Variants in KLHL26 observed in about 807,000 individuals in gnomAD.
KLHL26 encodes the protein kelch-like protein 26.
KLHL26 carries 4 observed loss-of-function variants against 7.1 expected under a neutral mutation model. That is an observed-to-expected ratio of 0.56 (90% CI 0.28 to 1.28). The LOEUF is 1.28. Ranked by LOEUF, KLHL26 falls within the 50% of genes most tolerant of loss-of-function variation. KLHL26 has a pLI of 0.11. For missense variants in KLHL26, 896 were observed against 924.6 expected, an observed-to-expected ratio of 0.97 and a Z score of 0.40; for synonymous variants, 465 against 414.1, an observed-to-expected ratio of 1.12 and a Z score of -1.49.
chr19:18,656,181 G>A lies in KLHL26; in HGVS notation c.84-8080G>A. On this transcript the variant is annotated intron_variant, in intron 1 of 2. Coordinates refer to ENST00000300976, the MANE Select transcript of KLHL26 (RefSeq NM_018316.3). The surrounding 1 kb of genome is among the most constrained non-coding windows in gnomAD (Gnocchi z 4.4). Reference sequence around the variant, plus strand: ...CCTGGCTTCATGGTGGGGTTGGTGGGGGACCTGCAGGATGGGGGTGGACGG... The same window carrying A: ...CCTGGCTTCATGGTGGGGTTGGTGGAGGACCTGCAGGATGGGGGTGGACGG... 6.6e-6 allele frequency among the ~76,000 whole-genome samples: 1 copy of A among 152,152 alleles called. No individual in the cohort carries two copies. The highest frequency in any genetic ancestry group is 6.5e-5 in the Admixed American group (1 of 15,274).
At chr19:18,662,603 C>G (rs2052402527) in intron 1 of KLHL26, among the ~76,000 whole-genome samples, 1 of 152,214 alleles carries the variant, frequency 6.6e-6, no homozygotes, top group Non-Finnish European at 1.5e-5. Context: ...CCCAGGCAGC[C>G]TGGACACCCG....
chr19:18,665,886 C>T (rs1044835604), intron 2 of KLHL26, among the ~76,000 whole-genome samples: 3 of 152,168 alleles, frequency 2.0e-5, no homozygotes, highest in Non-Finnish European at 4.4e-5. Context: ...ACACATTCCC[C>T]GAGGCCCGGG....
Position 18,668,559 on chromosome 19 carries a change from C to A in KLHL26, c.1162C>A (p.Pro388Thr), listed in dbSNP as rs746808495. 6.3e-7 allele frequency: 1 copy of A among 1,594,344 alleles called. No homozygotes were observed. The highest frequency in any genetic ancestry group is 8.5e-7 in the Non-Finnish European group (1 of 1,174,786). ...GAVDACYRYD[P>T]HLNRWLRLQA... ...AGTGGACGCCTGCTACCGCTACGACCCCCACCTGAATCGCTGGCTGCGCCT... is the reference window on the plus strand; with the variant it reads ...AGTGGACGCCTGCTACCGCTACGACACCCACCTGAATCGCTGGCTGCGCCT... Residue 388 changes from proline (P) to threonine (T), a missense_variant, in exon 3 of 3, where the codon CCC (proline) becomes ACC (threonine). Pro to Thr is a conservative substitution (Grantham distance 38). Transcript: ENST00000300976.
At position 18,668,776 on chromosome 19, in the gene KLHL26, G is replaced by T; in HGVS notation, c.1379G>T (p.Gly460Val). The change falls in exon 3 of 3, where the codon GGC becomes GTC. Residue 460 changes from glycine to valine, a missense_variant. Physicochemically the swap from Gly to Val is moderately radical, Grantham distance 109. Coordinates refer to ENST00000300976, the MANE Select transcript of KLHL26 (RefSeq NM_018316.3). ...GGCCATGCTGGGGCCGCCTCAGGGG[G>T]CCGCCTCTACATCTCGGGTGGCTAC... Reference protein sequence around the residue: ...TWGHAGAASGGRLYISGGYGI... With the variant: ...TWGHAGAASGVRLYISGGYGI... 6.3e-7 allele frequency: 1 copy of T among 1,594,748 alleles called. No individual in the cohort carries two copies. Among genetic ancestry groups the T allele is most frequent in the Non-Finnish European group, 8.5e-7 (1 of 1,177,324 alleles).
chr19:18,646,417 C>T lies in KLHL26; in HGVS notation c.83+9280C>T, dbSNP rs1280461849. 1.3e-5 allele frequency among the ~76,000 whole-genome samples: 2 copies of T among 152,180 alleles called. No homozygotes were observed. Among genetic ancestry groups the T allele is most frequent in the East Asian group, 1.9e-4 (1 of 5,180 alleles). On this transcript the variant is annotated intron_variant, in intron 1 of 2. Coordinates refer to ENST00000300976, the MANE Select transcript of KLHL26 (RefSeq NM_018316.3). The surrounding 1 kb of genome is among the most constrained non-coding windows in gnomAD (Gnocchi z 5.0). Reference sequence around the variant, plus strand: ...GATTACAGGCATGAGCCAGTGCGCCCGGCCTCATGCCCCTTTCAGAAGGAG... The same window carrying T: ...GATTACAGGCATGAGCCAGTGCGCCTGGCCTCATGCCCCTTTCAGAAGGAG...
In KLHL26 at chr19:18,650,190, G is replaced by A. The variant is rs530299724; in HGVS notation, c.83+13053G>A. Among the ~76,000 whole-genome samples the A allele has an allele frequency of 2.0e-5, 3 of 152,054 alleles. No individual in the cohort carries two copies. The highest frequency in any genetic ancestry group is 6.5e-5 in the Admixed American group (1 of 15,284). ...ACAGGGGTCAAAGACGGACCCGGGCGGGAGCGGTCTGGGCTGGATATCCGG... is the reference window on the plus strand; with the variant it reads ...ACAGGGGTCAAAGACGGACCCGGGCAGGAGCGGTCTGGGCTGGATATCCGG... On this transcript the variant is annotated intron_variant, in intron 1 of 2. Transcript: ENST00000300976. This position sits in a 1 kb window ranked among gnomAD's most constrained non-coding sequence, Gnocchi z 4.2.
intron 1 of KLHL26, among the ~76,000 whole-genome samples, chr19:18,661,497 A>C (rs965700677): frequency 2.6e-5 from 4 of 152,072 alleles, no homozygotes; most frequent in Admixed American, 1.3e-4. Context: ...ATAGCATCCC[A>C]CTGTGTGCAC....
intron 1 of KLHL26, among the ~76,000 whole-genome samples, chr19:18,655,714 T>TATGGAGGCAGAGAGCTTGCCGCC (rs2052323564): frequency 6.6e-6 from 1 of 151,954 alleles, no homozygotes; most frequent in African/African-American, 2.4e-5. Context: ...AGCTTGCTGC[T>TATGGAGGCAGAGAGCTTGCCGCC]GGTCAGGGAG....
At chr19:18,641,651 T>G (rs4808842) in intron 1 of KLHL26, among the ~76,000 whole-genome samples, 48,768 of 138,758 alleles carry the variant, frequency 0.35, 8,497 homozygotes, top group East Asian at 0.53. Flanking sequence ...TTTTTTGAGA[T>G]GGAGGCTTGC....
intron 1 of KLHL26, among the ~76,000 whole-genome samples, chr19:18,641,753 C>T (rs774151044): frequency 1.1e-4 from 16 of 151,606 alleles, no homozygotes; most frequent in Non-Finnish European, 2.1e-4. Flanking sequence ...CCCAGCCTCC[C>T]GAGTAGCTGG....
chr19:18,647,362 G>A (rs113821069), intron 1 of KLHL26, among the ~76,000 whole-genome samples: 53 of 152,234 alleles, frequency 3.5e-4, no homozygotes, highest in Non-Finnish European at 4.9e-4. Flanking sequence ...CCTCCCCCAC[G>A]GCGATTACTT....
At chr19:18,653,881 C>T (rs529505689) in intron 1 of KLHL26, among the ~76,000 whole-genome samples, 3 of 71,134 alleles carry the variant, frequency 4.2e-5, no homozygotes, top group African/African-American at 1.3e-4. Context: ...CCCATCCACC[C>T]ACCCTTCCAT....
chr19:18,637,854 G>A (rs1383214702), intron 1 of KLHL26, among the ~76,000 whole-genome samples: 1 of 152,168 alleles, frequency 6.6e-6, no homozygotes, highest in Admixed American at 6.5e-5. Flanking sequence ...TTACAGAAAG[G>A]TCTTGCCCTC....
Position 18,670,647 on chromosome 19 carries a change from CA to C in KLHL26, c.*1403del, listed in dbSNP as rs1273141583. The C allele has an allele frequency of 2.6e-5, 4 of 152,276 alleles. 1 individual carries two copies. The South Asian group carries it at 6.2e-4, about 24-fold the overall frequency. 9.4% of individuals were successfully genotyped at this position (152,276 alleles called of 1,614,324 possible). A position where few individuals can be genotyped will look rare whatever the true frequency, so the allele number is the denominator to read the frequency against. On this transcript the variant is annotated 3_prime_UTR_variant, in exon 3 of 3. Transcript: ENST00000300976. ...GTCGGCAGTGGGCTGGGCTTTGGCTCAGGGGCGCAGAGGCAGCAGGAAGCGT... is the reference window on the plus strand; with the variant it reads ...GTCGGCAGTGGGCTGGGCTTTGGCTCGGGGCGCAGAGGCAGCAGGAAGCGT...
chr19:18,667,441 T>C lies in KLHL26; in HGVS notation c.267-223T>C, dbSNP rs1463256945. ...CAGTGGTCTCGATCTCCTGATCTCA[T>C]GATCCACCCGCCTGGGCTTCCCAAA... On this transcript the variant is annotated intron_variant, in intron 2 of 2. Coordinates refer to ENST00000300976, the MANE Select transcript of KLHL26 (RefSeq NM_018316.3). The C allele has an allele frequency of 7.6e-6, 5 of 656,078 alleles. No individual in the cohort carries two copies. The African/African-American group carries it at 9.1e-5, about 12-fold the overall frequency. The allele number at this position is 656,078 out of a possible 1,614,324, so 40.6% of individuals were successfully genotyped here. A position where few individuals can be genotyped will look rare whatever the true frequency, so the allele number is the denominator to read the frequency against.
rs1236713431 is a variant in KLHL26, at chr19:18,648,340, G to A, written c.83+11203G>A. 1.3e-5 allele frequency among the ~76,000 whole-genome samples: 2 copies of A among 152,140 alleles called. No homozygotes were observed. Among genetic ancestry groups the A allele is most frequent in the African/African-American group, 4.8e-5 (2 of 41,438 alleles). On this transcript the variant is annotated intron_variant, in intron 1 of 2. Transcript: ENST00000300976. This position sits in a 1 kb window ranked among gnomAD's most constrained non-coding sequence, Gnocchi z 4.9. The stretch of plus-strand genomic sequence containing the variant: ...TGCACTCCAGCCTGGGCGACAAAGT[G>A]AGACTCTGTCTCAAAAAAGAAAGGA...
rs1344597348 is a variant in KLHL26 at position 18,656,242 on chromosome 19, C to T, written c.84-8019C>T. ...TCTGCTCCCAGCTCTGTGGGCTTCACCTCTCAACCTGCTGAGCCTGAGAGC... is the reference window on the plus strand; with the variant it reads ...TCTGCTCCCAGCTCTGTGGGCTTCATCTCTCAACCTGCTGAGCCTGAGAGC... On this transcript the variant is annotated intron_variant, in intron 1 of 2. Transcript: ENST00000300976. The surrounding 1 kb of genome is among the most constrained non-coding windows in gnomAD (Gnocchi z 4.4). Among the ~76,000 whole-genome samples, 1 of 152,168 alleles carries T rather than the reference C, an allele frequency of 6.6e-6. No homozygotes were observed. Among genetic ancestry groups the T allele is most frequent in the Non-Finnish European group, 1.5e-5 (1 of 68,030 alleles).
In KLHL26 at chr19:18,666,366, C is replaced by G. The variant is rs533452312; in HGVS notation, c.267-1298C>G. ...AATGCACAAGGGATGTTCCCTCCTC[C>G]TCGGACGGCCATCAGGGGAGGTGCA... On this transcript the variant is annotated intron_variant, in intron 2 of 2. Coordinates refer to ENST00000300976, the MANE Select transcript of KLHL26 (RefSeq NM_018316.3). 9.3e-4 allele frequency among the ~76,000 whole-genome samples: 142 copies of G among 152,330 alleles called. 1 individual carries two copies. The highest frequency in any genetic ancestry group is 1.7e-3 in the Non-Finnish European group (116 of 68,022).
intron 1 of KLHL26, among the ~76,000 whole-genome samples, chr19:18,641,274 C>T (rs1053794772): frequency 2.7e-5 from 4 of 146,510 alleles, no homozygotes; most frequent in African/African-American, 1.0e-4. Context: ...TCTTTGGTAA[C>T]GTGTCTTTTC....
Sources: allele counts gnomAD v4.1 joint callset (sites outside exome capture counted in the v4.1 genomes callset), GRCh38; gene constraint gnomAD v4.1.1; non-coding constraint Gnocchi (gnomAD v3.1); transcripts MANE v1.5; gene names NCBI Gene and HGNC (gene_info 2026-07-23, HGNC 2026-07-21).